The following MYOF variants were observed in gnomAD, a reference collection of about 807,000 sequenced individuals.
MYOF encodes fer-1-like 3, myoferlin.
MYOF carries 244 observed loss-of-function variants against 284.2 expected under a neutral mutation model. The ratio of observed to expected loss-of-function variants is 0.86; its 90% CI spans 0.77 to 0.95. MYOF has a LOEUF of 0.95. MYOF is among the 40% of genes least tolerant of loss of function. MYOF has a pLI of 0.00. For missense variants in MYOF, 2,496 were observed against 2,560.6 expected, an observed-to-expected ratio of 0.97 and a Z score of 0.54; for synonymous variants, 904 against 919.7, an observed-to-expected ratio of 0.98 and a Z score of 0.31.
chr10:93,459,041 G>A (rs548884653), intron 1 of MYOF, among the ~76,000 whole-genome samples: 1 of 152,318 alleles, frequency 6.6e-6, no homozygotes, highest in Non-Finnish European at 1.5e-5. Context: ...CAGCCCAATG[G>A]CTTCCCTTCC....
intron 51 of MYOF, among the ~76,000 whole-genome samples, chr10:93,312,212 C>T (rs1015012565): frequency 4.6e-5 from 7 of 152,176 alleles, no homozygotes; most frequent in Admixed American, 1.3e-4. Flanking sequence ...GGTAGTCTTT[C>T]GTGATATGGC....
At chr10:93,453,485 A>G (rs1331019426) in intron 2 of MYOF, among the ~76,000 whole-genome samples, 2 of 146,996 alleles carry the variant, frequency 1.4e-5, no homozygotes, top group African/African-American at 2.5e-5. Flanking sequence ...TTTTAATAGA[A>G]ACAGGGTTTC....
chr10:93,437,376 C>T (rs1361608667), intron 3 of MYOF, among the ~76,000 whole-genome samples: 1 of 152,096 alleles, frequency 6.6e-6, no homozygotes, highest in Non-Finnish European at 1.5e-5. Context: ...GGCCGCATGC[C>T]TCTGGAGTGA....
chr10:93,435,939 C>CT (rs1007366021), intron 3 of MYOF, among the ~76,000 whole-genome samples: 50 of 148,768 alleles, frequency 3.4e-4, no homozygotes, highest in Admixed American at 2.2e-3. Context: ...TATTTTCTCT[C>CT]TTTTTTTTTT....
intron 25 of MYOF, among the ~76,000 whole-genome samples, chr10:93,367,886 T>C (rs1398783775): frequency 6.6e-6 from 1 of 151,972 alleles, no homozygotes; most frequent in Non-Finnish European, 1.5e-5. Flanking sequence ...GCCAGTAAAA[T>C]TTCCATTATT....
chr10:93,382,161 G>T (rs1846152174), intron 19 of MYOF, among the ~76,000 whole-genome samples: 1 of 152,156 alleles, frequency 6.6e-6, no homozygotes, highest in Non-Finnish European at 1.5e-5. Context: ...GTTGAAGAAG[G>T]TAGAGAGATT....
intron 5 of MYOF, among the ~76,000 whole-genome samples, chr10:93,420,944 G>A (rs1324450863): frequency 2.0e-5 from 3 of 152,230 alleles, no homozygotes; most frequent in South Asian, 2.1e-4. Flanking sequence ...GAGGCCGGGT[G>A]CAGTGGCTCA....
chr10:93,424,432 C>T (rs1260262500), intron 5 of MYOF, among the ~76,000 whole-genome samples: 4 of 152,132 alleles, frequency 2.6e-5, no homozygotes, highest in Non-Finnish European at 4.4e-5. Context: ...GGCCTGTGTC[C>T]TCTGTGTTTC....
chr10:93,367,906 C>T (rs1845401225), intron 25 of MYOF, among the ~76,000 whole-genome samples: 1 of 152,112 alleles, frequency 6.6e-6, no homozygotes, highest in African/African-American at 2.4e-5. Context: ...TATTAATGTG[C>T]CTCTGCTGGT....
chr10:93,386,218 G>C (rs1308362352), intron 19 of MYOF, among the ~76,000 whole-genome samples: 1 of 152,174 alleles, frequency 6.6e-6, no homozygotes, highest in Non-Finnish European at 1.5e-5. Context: ...AGTGGTTTCT[G>C]GCTATTCTTT....
rs199684405 is a variant in MYOF at position 93,359,822 on chromosome 10, G to A, written c.3120+11C>T. On this transcript the variant is annotated intron_variant, in intron 29 of 53. Coordinates refer to ENST00000359263, the MANE Select transcript of MYOF (RefSeq NM_013451.4). ...CTCCCCAGTCCAGCTCCCTTCCCTTGCTTCTCTTACCCTTGCGGTGCTTGA... is the reference window on the plus strand; with the variant it reads ...CTCCCCAGTCCAGCTCCCTTCCCTTACTTCTCTTACCCTTGCGGTGCTTGA... 1.4e-5 allele frequency: 23 copies of A among 1,613,876 alleles called. No homozygotes were observed. The South Asian group carries it at 2.4e-4, about 17-fold the overall frequency.
At chr10:93,348,976 G>A (rs1844375369) in intron 36 of MYOF, among the ~76,000 whole-genome samples, 2 of 152,046 alleles carry the variant, frequency 1.3e-5, no homozygotes, top group African/African-American at 4.8e-5. Context: ...TTCCTCCTCT[G>A]TAATGTAAAA....
intron 32 of MYOF, among the ~76,000 whole-genome samples, chr10:93,353,368 A>C (rs947623430): frequency 1.3e-5 from 2 of 152,312 alleles, no homozygotes; most frequent in African/African-American, 4.8e-5. Flanking sequence ...GAGGAGGTTA[A>C]AATGAACTCC....
chr10:93,391,618 A>G (rs1846683186), intron 17 of MYOF, among the ~76,000 whole-genome samples: 1 of 152,102 alleles, frequency 6.6e-6, no homozygotes, highest in Non-Finnish European at 1.5e-5. Flanking sequence ...GAAAGAAACA[A>G]AAAAAGAAAA....
At chr10:93,405,883 C>T (rs1405143615) in intron 7 of MYOF, among the ~76,000 whole-genome samples, 1 of 151,006 alleles carries the variant, frequency 6.6e-6, no homozygotes, top group Non-Finnish European at 1.5e-5. Flanking sequence ...CTGTAACCTC[C>T]GCCTCCAGGC....
intron 2 of MYOF, among the ~76,000 whole-genome samples, chr10:93,453,822 C>T (rs1456135862): frequency 6.6e-6 from 1 of 151,954 alleles, no homozygotes; most frequent in Non-Finnish European, 1.5e-5. Flanking sequence ...TTAGTTATGG[C>T]TGCAGTTAGT....
intron 38 of MYOF, chr10:93,341,801 T>TC (rs1843930822): frequency 1.6e-6 from 1 of 618,834 alleles, no homozygotes; most frequent in African/African-American, 1.9e-5. Context: ...TGTTTAAAGA[T>TC]CACTTTTCAC....
intron 25 of MYOF, among the ~76,000 whole-genome samples, chr10:93,369,357 T>C (rs1365766699): frequency 6.6e-6 from 1 of 152,058 alleles, no homozygotes; most frequent in Non-Finnish European, 1.5e-5. Flanking sequence ...AAGACACCCA[T>C]TTTCAGTATT....
chr10:93,356,614 C>A, intron 30 of MYOF, 61 bp downstream of exon 30: 1 of 1,523,498 alleles, frequency 6.6e-7, no homozygotes, highest in Non-Finnish European at 8.9e-7. Flanking sequence ...AGTGCTGTAT[C>A]CAACACTCAT....
Sources: allele counts gnomAD v4.1 joint callset (sites outside exome capture counted in the v4.1 genomes callset), GRCh38; gene constraint gnomAD v4.1.1; transcripts MANE v1.5; gene names NCBI Gene and HGNC (gene_info 2026-07-23, HGNC 2026-07-21).